The following SUPT3H variants were observed in gnomAD, a reference collection of about 807,000 sequenced individuals.
SUPT3H encodes the protein transcription initiation protein SPT3 homolog.
In SUPT3H, 44 loss-of-function variants were observed where a neutral mutation model predicts 44.3. The ratio of observed to expected loss-of-function variants is 0.99; its 90% CI spans 0.78 to 1.28. SUPT3H has a LOEUF of 1.28. Ranked by LOEUF, SUPT3H falls within the 50% of genes most tolerant of loss-of-function variation. The probability of loss-of-function intolerance (pLI) is 0.00; values close to 1 mark genes in which losing one functional copy is unlikely to be tolerated. For missense variants in SUPT3H, 380 were observed against 387.1 expected (o/e 0.98, Z 0.15); for synonymous variants, 124 against 125.6 (o/e 0.99, Z 0.09).
At chr6:44,968,901 C>T (rs1316372877) in intron 6 of SUPT3H, among the ~76,000 whole-genome samples, 1 of 152,168 alleles carries the variant, frequency 6.6e-6, no homozygotes, top group East Asian at 1.9e-4. Context: ...ATTGTTCTCA[C>T]TAAAACCAAA....
intron 2 of SUPT3H, among the ~76,000 whole-genome samples, chr6:45,122,942 TG>T (rs1315109702): frequency 1.3e-5 from 2 of 152,188 alleles, no homozygotes; most frequent in East Asian, 1.9e-4. Context: ...TTTGAGAACC[TG>T]GGGTAAATTT....
chr6:45,014,712 C>G (rs1783985137), intron 5 of SUPT3H, 89 bp downstream of exon 5: 1 of 816,474 alleles, frequency 1.2e-6, no homozygotes, highest in Non-Finnish European at 1.8e-6. Flanking sequence ...TTAACTAGTT[C>G]TCCAGTTACA....
chr6:45,050,878 ATTTTTTTTTTT>A (rs35575281), intron 3 of SUPT3H, among the ~76,000 whole-genome samples: 1 of 86,164 alleles, frequency 1.2e-5, no homozygotes, highest in South Asian at 4.6e-4. Context: ...AGGGTATGGG[ATTTTTTTTTTT>A]TTTTTTTTTT....
intron 10 of SUPT3H, among the ~76,000 whole-genome samples, chr6:44,912,482 C>T (rs972257393): frequency 4.6e-5 from 7 of 152,186 alleles, no homozygotes; most frequent in African/African-American, 1.7e-4. Context: ...CATTCATCAT[C>T]AGTTGCCTCT....
intron 10 of SUPT3H, among the ~76,000 whole-genome samples, chr6:44,841,226 T>C (rs983143861): frequency 1.1e-4 from 17 of 152,240 alleles, no homozygotes; most frequent in Non-Finnish European, 2.9e-5. Flanking sequence ...AGTTGTTATA[T>C]GAATTAATAA....
chr6:45,338,369 T>C (rs1789042956), intron 2 of SUPT3H, among the ~76,000 whole-genome samples: 1 of 152,032 alleles, frequency 6.6e-6, no homozygotes, highest in South Asian at 2.1e-4. Context: ...ATAGGCAACT[T>C]CTCAAGAAAT....
chr6:45,080,099 T>C (rs757463341), intron 3 of SUPT3H, among the ~76,000 whole-genome samples: 4 of 151,990 alleles, frequency 2.6e-5, no homozygotes, highest in African/African-American at 4.8e-5. Context: ...AACAATTCAA[T>C]AGGAAAAAAT....
chr6:45,278,213 A>G (rs916664351), intron 2 of SUPT3H, among the ~76,000 whole-genome samples: 2 of 152,186 alleles, frequency 1.3e-5, no homozygotes, highest in African/African-American at 4.8e-5. Context: ...TGATGGGTGC[A>G]GCAAACCACC....
chr6:45,324,975 A>T (rs1786127406), intron 2 of SUPT3H, among the ~76,000 whole-genome samples: 1 of 151,932 alleles, frequency 6.6e-6, no homozygotes, highest in South Asian at 2.1e-4. Context: ...TTACTAACAG[A>T]AGTAGTCAAT....
chr6:45,038,873 T>C (rs1391511477), intron 3 of SUPT3H, among the ~76,000 whole-genome samples: 2 of 152,196 alleles, frequency 1.3e-5, no homozygotes, highest in African/African-American at 2.4e-5. Flanking sequence ...TGGGTGTATA[T>C]ATTGCATGGC....
At chr6:45,052,608 TAACAA>T (rs1420566715) in intron 3 of SUPT3H, among the ~76,000 whole-genome samples, 1 of 152,112 alleles carries the variant, frequency 6.6e-6, no homozygotes, top group African/African-American at 2.4e-5. Flanking sequence ...TTTAAAGCAA[TAACAA>T]AACAAAACCT....
chr6:44,958,569 T>C (rs954132558), intron 7 of SUPT3H, among the ~76,000 whole-genome samples: 14 of 152,206 alleles, frequency 9.2e-5, no homozygotes, highest in African/African-American at 2.7e-4. Context: ...GTGTGTTCAT[T>C]TCCCCATATA....
chr6:45,128,150 G>C (rs1359357374), intron 2 of SUPT3H, among the ~76,000 whole-genome samples: 2 of 152,004 alleles, frequency 1.3e-5, no homozygotes, highest in African/African-American at 4.8e-5. Context: ...AGAGAATCAA[G>C]GCAGTTTTCT....
At chr6:45,017,920 T>C (rs1784542527) in intron 4 of SUPT3H, among the ~76,000 whole-genome samples, 4 of 148,782 alleles carry the variant, frequency 2.7e-5, no homozygotes, top group Admixed American at 2.7e-4. Flanking sequence ...GCATTGAATC[T>C]GTAAATTACC....
intron 6 of SUPT3H, among the ~76,000 whole-genome samples, chr6:44,988,970 T>C (rs1408957455): frequency 6.6e-6 from 1 of 152,180 alleles, no homozygotes; most frequent in East Asian, 1.9e-4. Flanking sequence ...TACGAATGAA[T>C]TGTAAATTTT....
chr6:45,283,830 T>C (rs187332101), intron 2 of SUPT3H, among the ~76,000 whole-genome samples: 1 of 152,132 alleles, frequency 6.6e-6, no homozygotes, highest in Admixed American at 6.6e-5. Context: ...GACCACATAG[T>C]TGGAAGTAAA....
intron 2 of SUPT3H, among the ~76,000 whole-genome samples, chr6:45,179,210 C>T (rs1243798920): frequency 6.6e-6 from 1 of 152,304 alleles, no homozygotes; most frequent in East Asian, 1.9e-4. Flanking sequence ...AGACCAATAA[C>T]AGGAGCTGAA....
intron 6 of SUPT3H, among the ~76,000 whole-genome samples, chr6:44,962,641 C>G (rs79240441): frequency 0.027 from 4,151 of 151,634 alleles, 214 homozygotes; most frequent in African/African-American, 0.094. Flanking sequence ...GTTGTCAGAG[C>G]ACATAAGTAC....
intron 3 of SUPT3H, among the ~76,000 whole-genome samples, chr6:45,070,612 G>A (rs1384678540): frequency 6.6e-6 from 1 of 151,794 alleles, no homozygotes; most frequent in African/African-American, 2.4e-5. Flanking sequence ...ATGGCAGCAC[G>A]CGCCTGTAAT....
Sources: gnomAD v4.1 joint callset for allele counts (sites outside exome capture counted in the v4.1 genomes callset) on GRCh38, gnomAD v4.1.1 for gene constraint, MANE v1.5 for transcripts, NCBI Gene and HGNC (gene_info 2026-07-23, HGNC 2026-07-21) for gene names.